Variants in CTNNA3 observed in about 807,000 individuals in gnomAD.
The protein encoded by CTNNA3 is catenin alpha 3.
Under a neutral mutation model 95.7 loss-of-function variants are expected in CTNNA3, and 76 were observed. The ratio of observed to expected loss-of-function variants is 0.79; its 90% CI spans 0.66 to 0.96. CTNNA3 has a LOEUF of 0.96. Ranked by LOEUF, CTNNA3 falls within the 40% of genes least tolerant of loss-of-function variation. The pLI is 0.00. For missense variants in CTNNA3, 1,191 were observed against 1,089.8 expected (o/e 1.09, Z -1.31); for synonymous variants, 431 against 374.4 (o/e 1.15, Z -1.74).
At chr10:67,323,743 G>A (rs1174321207) in intron 5 of CTNNA3, among the ~76,000 whole-genome samples, 1 of 151,428 alleles carries the variant, frequency 6.6e-6, no homozygotes, top group Non-Finnish European at 1.5e-5. Flanking sequence ...TCTGTGAAGT[G>A]TTTCAATGGT....
chr10:67,413,037 G>T (rs1237625433), intron 5 of CTNNA3, among the ~76,000 whole-genome samples: 1 of 152,042 alleles, frequency 6.6e-6, no homozygotes, highest in Non-Finnish European at 1.5e-5. Flanking sequence ...CCACTCAAAA[G>T]ACACAGAGTG....
At chr10:67,571,203 T>C (rs541705224) in intron 3 of CTNNA3, among the ~76,000 whole-genome samples, 6 of 152,242 alleles carry the variant, frequency 3.9e-5, no homozygotes, top group Middle Eastern at 3.4e-3. Context: ...GAGACTCAAA[T>C]CTAGAAAGAA....
intron 1 of CTNNA3, among the ~76,000 whole-genome samples, chr10:67,754,185 G>A (rs764600937): frequency 6.6e-6 from 1 of 152,118 alleles, no homozygotes; most frequent in African/African-American, 2.4e-5. Context: ...GGAGCTAGAA[G>A]CCATTATTTT....
chr10:65,977,373 G>A lies in CTNNA3; in HGVS notation c.2266-10627C>T, dbSNP rs139369303. Among the ~76,000 whole-genome samples, 529 of 152,168 alleles carry A rather than the reference G, an allele frequency of 3.5e-3. 3 individuals carry two copies. Among genetic ancestry groups the A allele is most frequent in the African/African-American group, 0.012 (482 of 41,542 alleles). On this transcript the variant is annotated intron_variant, in intron 16 of 17. Coordinates refer to ENST00000433211, the MANE Select transcript of CTNNA3 (RefSeq NM_013266.4). ...GAAAAATGTAAAAAAAATTCATTAC[G>A]TTTTAGTTTAAATTTCAGGGGTGAA...
chr10:67,401,986 G>A (rs1844940462), intron 5 of CTNNA3, among the ~76,000 whole-genome samples: 1 of 152,168 alleles, frequency 6.6e-6, no homozygotes, highest in Non-Finnish European at 1.5e-5. Flanking sequence ...ATCCCTCCCA[G>A]ATGAGAAAGA....
At chr10:66,212,217 T>G (rs1005591986) in intron 13 of CTNNA3, among the ~76,000 whole-genome samples, 1 of 152,078 alleles carries the variant, frequency 6.6e-6, no homozygotes, top group East Asian at 1.9e-4. Flanking sequence ...CTCAAACTCC[T>G]GACCTTACGT....
chr10:67,539,583 C>T lies in CTNNA3; in HGVS notation c.379G>A (p.Ala127Thr). Residue 127 changes from alanine to threonine, a missense_variant, in exon 4 of 18, where the codon GCC becomes ACC. By Grantham distance (58) the Ala-to-Thr change is moderately conservative (BLOSUM62 0). Coordinates refer to ENST00000433211, the MANE Select transcript of CTNNA3 (RefSeq NM_013266.4). Reference protein sequence around the residue: ...KREAVVQAARALLAAVTRLLI... With the variant: ...KREAVVQAARTLLAAVTRLLI... Reference sequence around the variant, plus strand: ...AGTCTCGTCACCGCAGCCAGCAAGGCACGGGCAGCTTGAACCACAGCCTCC... The same window carrying T: ...AGTCTCGTCACCGCAGCCAGCAAGGTACGGGCAGCTTGAACCACAGCCTCC... The T allele has an allele frequency of 6.2e-7, 1 of 1,613,894 alleles. No homozygotes were observed. The highest frequency in any genetic ancestry group is 8.5e-7 in the Non-Finnish European group (1 of 1,179,838).
intron 8 of CTNNA3, among the ~76,000 whole-genome samples, chr10:66,774,196 G>A (rs944013332): frequency 4.6e-5 from 7 of 152,202 alleles, no homozygotes; most frequent in Admixed American, 3.9e-4. Flanking sequence ...CACAATCATT[G>A]AGAGCTCATA....
intron 2 of CTNNA3, among the ~76,000 whole-genome samples, chr10:67,622,414 A>G (rs766813228): frequency 1.3e-5 from 2 of 152,230 alleles, no homozygotes; most frequent in Non-Finnish European, 2.9e-5. Flanking sequence ...ATTAACAGAA[A>G]CAGAGTGAAC....
At chr10:66,272,458 G>A (rs899780367) in intron 13 of CTNNA3, among the ~76,000 whole-genome samples, 9 of 152,142 alleles carry the variant, frequency 5.9e-5, no homozygotes, top group Admixed American at 1.3e-4. Flanking sequence ...TTTGATAGCC[G>A]TTAGGACTAT....
At chr10:66,115,590 T>G (rs200659095) in intron 13 of CTNNA3, among the ~76,000 whole-genome samples, 1 of 108,338 alleles carries the variant, frequency 9.2e-6, no homozygotes, top group Admixed American at 8.0e-5. Context: ...GATAGATAGA[T>G]AGAGATAGAG....
intron 12 of CTNNA3, among the ~76,000 whole-genome samples, chr10:66,349,245 T>C (rs957506966): frequency 1.3e-5 from 2 of 152,006 alleles, no homozygotes; most frequent in Non-Finnish European, 2.9e-5. Context: ...ACTGAAGCCC[T>C]CACTCCTACA....
intron 10 of CTNNA3, among the ~76,000 whole-genome samples, chr10:66,591,508 A>G (rs951516257): frequency 2.0e-5 from 3 of 152,116 alleles, no homozygotes; most frequent in African/African-American, 7.2e-5. Flanking sequence ...TTACTTGATC[A>G]CTGTTCTTAA....
chr10:67,524,864 A>C (rs1483654938), intron 4 of CTNNA3, among the ~76,000 whole-genome samples: 1 of 152,214 alleles, frequency 6.6e-6, no homozygotes, highest in Non-Finnish European at 1.5e-5. Context: ...GTTGAGGCCT[A>C]GGTTTTAAAG....
chr10:67,465,420 G>T (rs1847553896), intron 5 of CTNNA3, among the ~76,000 whole-genome samples: 1 of 152,080 alleles, frequency 6.6e-6, no homozygotes, highest in African/African-American at 2.4e-5. Context: ...ACGAGGAAAG[G>T]AAAGGAAAAG....
chr10:66,863,849 G>A (rs756238213), intron 7 of CTNNA3, among the ~76,000 whole-genome samples: 4 of 152,026 alleles, frequency 2.6e-5, no homozygotes, highest in Non-Finnish European at 5.9e-5. Flanking sequence ...CTTCAGAAAC[G>A]GGGGTCATCT....
chr10:67,213,093 A>C (rs1864205475), intron 6 of CTNNA3, among the ~76,000 whole-genome samples: 1 of 151,812 alleles, frequency 6.6e-6, no homozygotes, highest in Admixed American at 6.6e-5. Flanking sequence ...TTCAGTAAAA[A>C]CTGTTAACTA....
intron 5 of CTNNA3, among the ~76,000 whole-genome samples, chr10:67,305,820 C>T (rs1242055344): frequency 6.6e-6 from 1 of 152,008 alleles, no homozygotes; most frequent in Non-Finnish European, 1.5e-5. Context: ...TCAGTGGATG[C>T]TAATACAGGA....
intron 1 of CTNNA3, among the ~76,000 whole-genome samples, chr10:67,738,323 C>G (rs1841314681): frequency 6.6e-6 from 1 of 152,170 alleles, no homozygotes; most frequent in Non-Finnish European, 1.5e-5. Flanking sequence ...GAGTGGGCCT[C>G]CAGCAAACTC....
Sources: gnomAD v4.1 joint callset for allele counts (sites outside exome capture counted in the v4.1 genomes callset) on GRCh38, gnomAD v4.1.1 for gene constraint, MANE v1.5 for transcripts, NCBI Gene and HGNC (gene_info 2026-07-23, HGNC 2026-07-21) for gene names.